Variants in ABCG2 observed in about 807,000 individuals in gnomAD.
The protein encoded by ABCG2 is ATP binding cassette subfamily G member 2 (JR blood group), also known as broad substrate specificity ATP-binding cassette transporter ABCG2.
Under a neutral mutation model 73.5 loss-of-function variants are expected in ABCG2, and 80 were observed. The ratio of observed to expected loss-of-function variants is 1.09; its 90% CI spans 0.91 to 1.31. The LOEUF is 1.31. Ranked by LOEUF, ABCG2 falls within the 50% of genes most tolerant of loss-of-function variation. The pLI, the probability that ABCG2 is intolerant of heterozygous loss-of-function variation, is 0.00. For missense variants in ABCG2, 796 were observed against 786.2 expected (o/e 1.01, Z -0.15); for synonymous variants, 269 against 282.4 (o/e 0.95, Z 0.48).
intron 1 of ABCG2, among the ~76,000 whole-genome samples, chr4:88,224,445 A>AAAAAACG (rs1396463504): frequency 6.6e-6 from 1 of 151,932 alleles, no homozygotes; most frequent in Non-Finnish European, 1.5e-5. Context: ...TCTCAAAAAC[A>AAAAAACG]AAAAACAAAA....
Position 88,101,237 on chromosome 4 carries a change from GCTT to G in ABCG2, c.1357_1359del (p.Lys453del), listed in dbSNP as rs1441480899. Reference sequence around the variant, plus strand: ...GAACAAAGACCTACTCACATGAAGAGCTTCTTCTCTACCACAAAGAGTTCCACG... The same window carrying G: ...GAACAAAGACCTACTCACATGAAGAGCTTCTCTACCACAAAGAGTTCCACG... On this transcript the variant is annotated inframe_deletion, in exon 11 of 16. Coordinates refer to ENST00000237612, the MANE Select transcript of ABCG2 (RefSeq NM_004827.3). 4 of 1,614,028 alleles carry G rather than the reference GCTT, an allele frequency of 2.5e-6. No individual in the cohort carries two copies. Among genetic ancestry groups the G allele is most frequent in the South Asian group, 1.1e-5 (1 of 91,070 alleles).
upstream of ABCG2, chr4:88,163,744 G>C (rs6854660): frequency 7.2e-6 from 3 of 416,430 alleles, no homozygotes; most frequent in Admixed American, 5.2e-5. Context: ...TGCCATGAAG[G>C]AGATGGGAAC....
intron 5 of ABCG2, among the ~76,000 whole-genome samples, chr4:88,122,054 A>T (rs1011284363): frequency 1.3e-5 from 2 of 152,036 alleles, no homozygotes; most frequent in African/African-American, 4.8e-5. Context: ...CCCAGGAAGC[A>T]CAAGGGGTGG....
At chr4:88,179,441 G>A (rs1372092363) in intron 1 of ABCG2, among the ~76,000 whole-genome samples, 2 of 152,080 alleles carry the variant, frequency 1.3e-5, no homozygotes, top group Non-Finnish European at 2.9e-5. Context: ...TTCCCAAGAA[G>A]GACAGGTACA....
upstream of ABCG2, chr4:88,231,459 T>C (rs564379561): frequency 2.0e-5 from 3 of 152,322 alleles, no homozygotes; most frequent in South Asian, 2.1e-4. Flanking sequence ...GAAAGTTACA[T>C]GTCAGAGAGA....
intron 1 of ABCG2, among the ~76,000 whole-genome samples, chr4:88,210,214 CACACACAT>C (rs1729539356): frequency 2.1e-5 from 2 of 93,526 alleles, no homozygotes; most frequent in Admixed American, 2.2e-4. Flanking sequence ...CACACACACA[CACACACAT>C]ATACATATAT....
At chr4:88,144,456 T>TA (rs1306359972) in intron 1 of ABCG2, among the ~76,000 whole-genome samples, 1 of 141,788 alleles carries the variant, frequency 7.1e-6, no homozygotes, top group Non-Finnish European at 1.5e-5. Context: ...TTACTTTTTT[T>TA]TTTTTTTTTT....
chr4:88,215,078 T>A (rs1729760984), intron 1 of ABCG2, among the ~76,000 whole-genome samples: 1 of 152,032 alleles, frequency 6.6e-6, no homozygotes, highest in Non-Finnish European at 1.5e-5. Flanking sequence ...GGTGACAGAA[T>A]GAGACAGTCT....
intron 1 of ABCG2, among the ~76,000 whole-genome samples, chr4:88,152,784 G>A (rs1054334182): frequency 2.6e-4 from 39 of 152,188 alleles, no homozygotes; most frequent in African/African-American, 8.4e-4. Context: ...TAAAGTGTTG[G>A]GGTGGTGAAA....
At position 88,132,653 on chromosome 4, in the gene ABCG2, G is replaced by T; in HGVS notation, c.204-18C>A. 6.2e-7 allele frequency: 1 copy of T among 1,613,872 alleles called. No homozygotes were observed. The highest frequency in any genetic ancestry group is 8.5e-7 in the Non-Finnish European group (1 of 1,179,770). On this transcript the variant is annotated intron_variant, in intron 2 of 15. Transcript: ENST00000237612. ...TGATCCCACTGTAAACACAAAAACA[G>T]ACTGATTTACTATTCCATTTTAAGT...
chr4:88,106,470 T>C (rs1366059867), intron 10 of ABCG2, among the ~76,000 whole-genome samples: 1 of 152,196 alleles, frequency 6.6e-6, no homozygotes, highest in East Asian at 1.9e-4. Flanking sequence ...GCTACATGAA[T>C]GAGCCATAAA....
chr4:88,191,539 A>T (rs915076505), intron 1 of ABCG2, among the ~76,000 whole-genome samples: 1 of 151,874 alleles, frequency 6.6e-6, no homozygotes, highest in African/African-American at 2.4e-5. Flanking sequence ...CACTTTGGAA[A>T]ACAGTTTGGC....
chr4:88,221,279 T>C (rs1730003162), intron 1 of ABCG2, among the ~76,000 whole-genome samples: 1 of 151,868 alleles, frequency 6.6e-6, no homozygotes, highest in South Asian at 2.1e-4. Context: ...AATAAATACA[T>C]AAATAAAATA....
At chr4:88,125,003 T>G (rs1724283327) in intron 5 of ABCG2, among the ~76,000 whole-genome samples, 1 of 152,092 alleles carries the variant, frequency 6.6e-6, no homozygotes, top group Admixed American at 6.6e-5. Context: ...ATTAAGAAAC[T>G]CACTCAAGGC....
Position 88,118,102 on chromosome 4 carries a change from A to G in ABCG2, c.841+7T>C. The G allele has an allele frequency of 1.9e-6, 3 of 1,610,852 alleles. No homozygotes were observed. The highest frequency in any genetic ancestry group is 2.2e-5 in the East Asian group (1 of 44,822). On this transcript the variant is annotated splice_region_variant and intron_variant, in intron 7 of 15. Transcript: ENST00000237612. ...AGCATTTTACAGCATAAAAAAGTCA[A>G]CCATACCAGCTGATTCAAAGTATCC...
chr4:88,126,050 GA>G (rs1724385976), intron 5 of ABCG2, among the ~76,000 whole-genome samples: 1 of 151,706 alleles, frequency 6.6e-6, no homozygotes, highest in Non-Finnish European at 1.5e-5. Context: ...GACTAATAAA[GA>G]AGAGAGAAGA....
chr4:88,111,818 T>C (rs968748566), intron 9 of ABCG2, among the ~76,000 whole-genome samples: 1 of 152,230 alleles, frequency 6.6e-6, no homozygotes. Context: ...AGGCCAGGCA[T>C]GGTGGCTCAC....
rs1312057942 is a variant in ABCG2, at chr4:88,094,674, G to C, written c.1738-15C>G. The C allele has an allele frequency of 1.9e-6, 3 of 1,601,482 alleles. No homozygotes were observed. The highest frequency in any genetic ancestry group is 2.6e-6 in the Non-Finnish European group (3 of 1,168,584). On this transcript the variant is annotated splice_polypyrimidine_tract_variant and intron_variant, in intron 14 of 15. Transcript: ENST00000237612. ...TGCTGCAAAGCCTATAACACAAGTG[G>C]GAGCAGGGCAAGGTAAACAGTTTTA...
intron 9 of ABCG2, among the ~76,000 whole-genome samples, chr4:88,111,608 T>C (rs1328699606): frequency 6.6e-6 from 1 of 152,192 alleles, no homozygotes; most frequent in African/African-American, 2.4e-5. Flanking sequence ...GTATAGAAAT[T>C]ATGATGCACA....
Sources: allele counts gnomAD v4.1 joint callset (sites outside exome capture counted in the v4.1 genomes callset), GRCh38; gene constraint gnomAD v4.1.1; transcripts MANE v1.5; gene names NCBI Gene and HGNC (gene_info 2026-07-23, HGNC 2026-07-21).